CBARP: variants seen among roughly 807,000 people sequenced by gnomAD.
The protein encoded by CBARP is CACN subunit beta associated regulatory protein.
Under a neutral mutation model 36.3 loss-of-function variants are expected in CBARP, and 24 were observed. The observed-to-expected ratio is 0.66, with a 90% CI of 0.48 to 0.93. The LOEUF is 0.93. Among genes scored for constraint, CBARP ranks in the 40% least tolerant of loss-of-function variants. The probability of loss-of-function intolerance (pLI) is 0.00; values close to 1 mark genes in which losing one functional copy is unlikely to be tolerated. For synonymous variants in CBARP, 586 were observed against 453.2 expected, an observed-to-expected ratio of 1.29 and a Z score of -3.72; for missense variants, 1,146 against 980.4, an observed-to-expected ratio of 1.17 and a Z score of -2.26.
chr19:1,230,859 G>T (rs749222203), intron 9 of CBARP: 11 of 1,494,066 alleles, frequency 7.4e-6, no homozygotes, highest in East Asian at 2.4e-5. Flanking sequence ...CGCCATCCTC[G>T]GGGGGCCCCT....
chr19:1,237,036 G>C (rs2080984637), intron 1 of CBARP, among the ~76,000 whole-genome samples: 1 of 152,196 alleles, frequency 6.6e-6, no homozygotes, highest in Non-Finnish European at 1.5e-5. Flanking sequence ...GCCGGGTGGG[G>C]AGGCCCGGGA....
rs747561926 is a variant in CBARP at position 1,231,192 on chromosome 19, C to T, written c.1063G>A (p.Asp355Asn). The change falls in exon 9 of 10, where the codon GAC becomes AAC. Residue 355 changes from aspartate to asparagine, a missense_variant. Asp to Asn is a conservative substitution (Grantham distance 23). Transcript: ENST00000650044. ...GCCCGGGCAATGTACTGGATGAAGT[C>T]CTCCTGGGGGGCATCCCCCTCCTCC... is the stretch of plus-strand genomic sequence containing the variant. ...EQEEGDAPQEDFIQYIARAGD... is the reference protein window; with the variant it reads ...EQEEGDAPQENFIQYIARAGD... 54 of 1,603,908 alleles carry T rather than the reference C, an allele frequency of 3.4e-5. No homozygotes were observed. The East Asian group carries it at 5.8e-4, about 17-fold the overall frequency.
intron 6 of CBARP, 117 bp downstream of exon 6, chr19:1,234,454 G>A (rs1314350041): frequency 1.8e-5 from 20 of 1,134,140 alleles, no homozygotes; most frequent in South Asian, 1.3e-4. Context: ...ACCCCACCCC[G>A]CCCATCCCGA....
At chr19:1,233,837 T>G (rs2080925952) in intron 7 of CBARP, among the ~76,000 whole-genome samples, 1 of 152,176 alleles carries the variant, frequency 6.6e-6, no homozygotes, top group Admixed American at 6.5e-5. Flanking sequence ...CTCTGCCCTC[T>G]GGGGAAGGTC....
At position 1,234,180 on chromosome 19, in the gene CBARP, G is replaced by C; in HGVS notation, c.768+11C>G. 6.6e-7 allele frequency: 1 copy of C among 1,510,984 alleles called. No homozygotes were observed. The highest frequency in any genetic ancestry group is 8.8e-7 in the Non-Finnish European group (1 of 1,134,310). 93.6% of individuals were successfully genotyped at this position (1,510,984 alleles called of 1,614,324 possible). On this transcript the variant is annotated intron_variant, in intron 7 of 9. Transcript: ENST00000650044. Reference sequence around the variant, plus strand: ...CTGTGGACACCATGGGGGACACGCAGGGGCCCTCACCGAGGTGCCTTCCCC... The same window carrying C: ...CTGTGGACACCATGGGGGACACGCACGGGCCCTCACCGAGGTGCCTTCCCC...
Position 1,230,086 on chromosome 19 carries a change from C to A in CBARP, c.1211G>T (p.Gly404Val). The change falls in exon 10 of 10, where the codon GGC (glycine) becomes GTC (valine). Residue 404 changes from glycine (G) to valine (V), a missense_variant. Physicochemically the swap from Gly to Val is moderately radical, Grantham distance 109. Coordinates refer to ENST00000650044, the MANE Select transcript of CBARP (RefSeq NM_001393918.1). Reference protein sequence around the residue: ...GASPDSPPERGAGSAGPEQQQ... With the variant: ...GASPDSPPERVAGSAGPEQQQ... ...CTGCTCAGGCCCCGCGCTGCCCGCG[C>A]CGCGCTCCGGGGGGGAATCGGGGCT... is the stretch of plus-strand genomic sequence containing the variant. 9.1e-7 allele frequency: 1 copy of A among 1,101,568 alleles called. No individual in the cohort carries two copies. Among genetic ancestry groups the A allele is most frequent in the Non-Finnish European group, 1.1e-6 (1 of 897,062 alleles). The allele number at this position is 1,101,568 out of a possible 1,614,324, so 68.2% of individuals were successfully genotyped here. A position where few individuals can be genotyped will look rare whatever the true frequency, so the allele number is the denominator to read the frequency against.
intron 7 of CBARP, 79 bp from the exon 8 acceptor site, chr19:1,233,715 G>A (rs2080924407): frequency 1.2e-5 from 16 of 1,362,774 alleles, no homozygotes; most frequent in Admixed American, 8.9e-5. Context: ...CCGTAGGTCT[G>A]AGAGACAGTC....
chr19:1,235,572 G>C lies in CBARP; in HGVS notation c.246-7C>G, dbSNP rs1474429413. 1 of 1,606,834 alleles carries C rather than the reference G, an allele frequency of 6.2e-7. No homozygotes were observed. Among genetic ancestry groups the C allele is most frequent in the Non-Finnish European group, 8.5e-7 (1 of 1,177,172 alleles). ...CTCCGCTTCCTCCATGGCCCTGGGA[G>C]AGACGTTGGGAGAGCCCAGTGGCAC... On this transcript the variant is annotated splice_polypyrimidine_tract_variant and splice_region_variant and intron_variant, in intron 3 of 9. Transcript: ENST00000650044.
chr19:1,237,407 G>A (rs1351774398), intron 1 of CBARP, among the ~76,000 whole-genome samples: 2 of 152,126 alleles, frequency 1.3e-5, no homozygotes, highest in Non-Finnish European at 2.9e-5. Context: ...GCTCCTGGGG[G>A]AGGCGGCTGC....
At chr19:1,233,288 A>G in intron 8 of CBARP, 138 bp downstream of exon 8, 1 of 899,350 alleles carries the variant, frequency 1.1e-6, no homozygotes, top group Non-Finnish European at 1.6e-6. Flanking sequence ...GCCCGCTGGC[A>G]GACTGGGCAG....
chr19:1,231,553 CACGCCTGTGCCCCCCCCACAGA>C (rs2080894401), intron 8 of CBARP, among the ~76,000 whole-genome samples: 2 of 79,602 alleles, frequency 2.5e-5, no homozygotes, highest in Admixed American at 2.3e-4. Flanking sequence ...CTCACACACA[CACGCCTGTGCCCCCCCCACAGA>C]ACGCCTGTGC....
intron 4 of CBARP, 158 bp from the exon 5 acceptor site, chr19:1,235,303 C>A: frequency 2.9e-6 from 3 of 1,052,088 alleles, no homozygotes; most frequent in Non-Finnish European, 3.9e-6. Context: ...CATCCGCTCA[C>A]ACACTCACTC....
rs762870808 is a variant in CBARP, at chr19:1,234,566, C to T, written c.627+5G>A. The T allele has an allele frequency of 8.8e-6, 14 of 1,599,528 alleles. No homozygotes were observed. The highest frequency in any genetic ancestry group is 4.5e-5 in the East Asian group (2 of 44,400). The stretch of plus-strand genomic sequence containing the variant: ...AGGAACCGGGGCTGCTGCCCATAGG[C>T]TCACCTGGAAGATGGCCAGAGTGGC... On this transcript the variant is annotated splice_donor_5th_base_variant and intron_variant, in intron 6 of 9. Transcript: ENST00000650044.
Position 1,229,074 on chromosome 19 carries a change from C to T in CBARP, c.*105G>A. The T allele has an allele frequency of 3.4e-6, 1 of 292,354 alleles. No homozygotes were observed. Among genetic ancestry groups the T allele is most frequent in the Non-Finnish European group, 5.1e-6 (1 of 197,152 alleles). The allele number at this position is 292,354 out of a possible 1,614,324, so 18.1% of individuals were successfully genotyped here. On this transcript the variant is annotated 3_prime_UTR_variant, in exon 10 of 10. Transcript: ENST00000650044. This position sits in a 1 kb window ranked among gnomAD's most constrained non-coding sequence, Gnocchi z 5.1. ...GCGCGTGCGCGAAGGGCCCGCGGTC[C>T]CCGCGCATTCGCGTCGGGGCGTCGC...
intron 3 of CBARP, 107 bp from the exon 4 acceptor site, chr19:1,235,672 A>G (rs1281692662): frequency 1.9e-6 from 3 of 1,591,410 alleles, no homozygotes; most frequent in Non-Finnish European, 2.6e-6. Flanking sequence ...CAGTCTCCAG[A>G]GGCATAGCCC....
upstream of CBARP, chr19:1,238,244 G>A (rs1599955800): frequency 1.4e-5 from 2 of 144,424 alleles, no homozygotes; most frequent in Non-Finnish European, 3.1e-5. Flanking sequence ...GCGTGCGCAG[G>A]AGGGGGTGGG....
Position 1,235,930 on chromosome 19 carries a change from CA to C in CBARP, c.106-13del, listed in dbSNP as rs773005479. 2 of 1,604,750 alleles carry C rather than the reference CA, an allele frequency of 1.2e-6. No individual in the cohort carries two copies. Among genetic ancestry groups the C allele is most frequent in the South Asian group, 2.2e-5 (2 of 90,368 alleles). On this transcript the variant is annotated splice_polypyrimidine_tract_variant and intron_variant, in intron 2 of 9. Transcript: ENST00000650044. Reference sequence around the variant, plus strand: ...GGGTCTGGCTCTGCCTGCGGGTGTGCAGGGGGGGTCAGGTGCTGCTGGCCTG... The same window carrying C: ...GGGTCTGGCTCTGCCTGCGGGTGTGCGGGGGGGTCAGGTGCTGCTGGCCTG...
intron 1 of CBARP, among the ~76,000 whole-genome samples, chr19:1,236,799 G>A (rs965666923): frequency 6.7e-6 from 1 of 149,292 alleles, no homozygotes; most frequent in Middle Eastern, 3.4e-3. Context: ...GGCCGCGGCT[G>A]GGGGGGCGGG....
At chr19:1,237,523 G>A (rs975994130) in intron 1 of CBARP, among the ~76,000 whole-genome samples, 1 of 152,112 alleles carries the variant, frequency 6.6e-6, no homozygotes, top group African/African-American at 2.4e-5. Flanking sequence ...CCAGGGCTGA[G>A]CCGAGACGCC....
Sources: allele counts gnomAD v4.1 joint callset (sites outside exome capture counted in the v4.1 genomes callset), GRCh38; gene constraint gnomAD v4.1.1; non-coding constraint Gnocchi (gnomAD v3.1); transcripts MANE v1.5; gene names NCBI Gene and HGNC (gene_info 2026-07-23, HGNC 2026-07-21).